Variants in FNBP1 observed in about 807,000 individuals in gnomAD.
FNBP1 encodes formin binding protein 1, also known as formin-binding protein 1.
A neutral mutation model predicts 90.6 loss-of-function variants in FNBP1; 26 were observed. That is an observed-to-expected ratio of 0.29 (90% CI 0.21 to 0.40). FNBP1 has a LOEUF of 0.40. Among genes scored for constraint, FNBP1 ranks in the 10% least tolerant of loss-of-function variants. The probability of loss-of-function intolerance (pLI) is 1.00; values close to 1 mark genes in which losing one functional copy is unlikely to be tolerated. For synonymous variants in FNBP1, 260 were observed against 265.2 expected (o/e 0.98, Z 0.19); for missense variants, 635 against 768.0 (o/e 0.83, Z 2.05).
Position 129,893,637 on chromosome 9 carries a change from A to AAG in FNBP1, c.1846+2200_1846+2201insCT, listed in dbSNP as rs56397008. Among the ~76,000 whole-genome samples the AAG allele has an allele frequency of 5.1e-4, 32 of 62,234 alleles. 1 individual carries two copies. Among genetic ancestry groups the AAG allele is most frequent in the South Asian group, 8.3e-4 (1 of 1,206 alleles). 40.8% of individuals were successfully genotyped at this position (62,234 alleles called of 152,430 possible). On this transcript the variant is annotated intron_variant, in intron 16 of 16. Transcript: ENST00000446176. ...CAAAAAAAAAAAAAAAAAAAAAAAA[A>AAG]GCCAGGCACGGGCTCATGCCTGTAA... is the stretch of plus-strand genomic sequence containing the variant.
At chr9:129,943,384 C>CT (rs11415197) in intron 6 of FNBP1, among the ~76,000 whole-genome samples, 78,781 of 102,546 alleles carry the variant, frequency 0.77, 30,987 homozygotes, top group East Asian at 0.86. Flanking sequence ...TCATTAATTG[C>CT]TTTTTTTTTT....
Position 129,929,577 on chromosome 9 carries a change from T to A in FNBP1, c.632A>T (p.Asn211Ile). ...QHEYYHTHIP[N>I]IFQKIQEMEE... ...ATGTTCAGGACTTACCTGGAAGATG[T>A]TGGGGATGTGAGTATGGTAATATTC... Residue 211 changes from asparagine to isoleucine, a missense_variant, in exon 7 of 17, where the codon AAC becomes ATC. Asn to Ile is a moderately radical substitution (Grantham distance 149). Coordinates refer to ENST00000446176, the MANE Select transcript of FNBP1 (RefSeq NM_015033.3). The A allele has an allele frequency of 3.1e-6, 5 of 1,613,618 alleles. No homozygotes were observed. The highest frequency in any genetic ancestry group is 4.2e-6 in the Non-Finnish European group (5 of 1,179,632).
the FNBP1 span, among the ~76,000 whole-genome samples, chr9:130,052,970 G>T: frequency 6.6e-6 from 1 of 151,900 alleles, no homozygotes; most frequent in Non-Finnish European, 1.5e-5. Context: ...ACAAAAATTA[G>T]CCGGGCGTGG....
chr9:129,982,210 T>C (rs4837438), intron 2 of FNBP1, among the ~76,000 whole-genome samples: 148,783 of 152,300 alleles, frequency 0.98, 72,764 homozygotes, highest in East Asian at 1. Context: ...CGGTGGCTCA[T>C]GCCTGTAATC....
chr9:129,991,426 A>G (rs1484503382), intron 2 of FNBP1, among the ~76,000 whole-genome samples: 4 of 151,600 alleles, frequency 2.6e-5, no homozygotes, highest in Non-Finnish European at 5.9e-5. Context: ...GTGCGCCACC[A>G]TGCCTGGCTA....
At chr9:130,023,816 T>A (rs1038905255) in intron 1 of FNBP1, among the ~76,000 whole-genome samples, 1 of 152,166 alleles carries the variant, frequency 6.6e-6, no homozygotes, top group African/African-American at 2.4e-5. Flanking sequence ...CAATCTTCCA[T>A]CCACGTGAGT....
chr9:130,043,118 GC>G lies in FNBP1; in HGVS notation c.-144del. ...GGCCTCCTCCGGCTCGCAGCTCCTC[GC>G]CCGGGGTCTCCTCGGCGGCTCCTCC... On this transcript the variant is annotated 5_prime_UTR_variant, in exon 1 of 17. Transcript: ENST00000446176. The G allele has an allele frequency of 1.6e-6, 1 of 644,962 alleles. No homozygotes were observed. The allele number at this position is 644,962 out of a possible 1,614,324, so 40.0% of individuals were successfully genotyped here. A position where few individuals can be genotyped will look rare whatever the true frequency, so the allele number is the denominator to read the frequency against.
At chr9:129,943,313 A>G (rs1478511317) in intron 6 of FNBP1, among the ~76,000 whole-genome samples, 1 of 150,290 alleles carries the variant, frequency 6.7e-6, no homozygotes, top group African/African-American at 2.5e-5. Context: ...TATATGATGG[A>G]CCTCATTGAT....
chr9:130,052,682 G>A, the FNBP1 span, among the ~76,000 whole-genome samples: 3 of 151,794 alleles, frequency 2.0e-5, no homozygotes, highest in Non-Finnish European at 4.4e-5. Context: ...TGATCCGCCC[G>A]CCTCGGCGTT....
chr9:129,908,953 C>T lies in FNBP1; in HGVS notation c.1232G>A (p.Arg411Lys), dbSNP rs199744723. Residue 411 changes from arginine (R) to lysine (K), a missense_variant, in exon 12 of 17, where the codon AGG becomes AAG. Arg to Lys is a conservative substitution (Grantham distance 26). Transcript: ENST00000446176. Reference protein sequence around the residue: ...DFSNLPPEQRRKKLQQKVDEL... With the variant: ...DFSNLPPEQRKKKLQQKVDEL... ...ATCGACTTTCTGCTGCAGCTTTTTCCTTCTTTGTTCAGGTGGGAGGTTGCT... is the reference window on the plus strand; with the variant it reads ...ATCGACTTTCTGCTGCAGCTTTTTCTTTCTTTGTTCAGGTGGGAGGTTGCT... 3.7e-6 allele frequency: 6 copies of T among 1,613,632 alleles called. No homozygotes were observed. Among genetic ancestry groups the T allele is most frequent in the Non-Finnish European group, 4.2e-6 (5 of 1,179,812 alleles).
At chr9:129,992,410 A>T (rs1304843402) in intron 2 of FNBP1, among the ~76,000 whole-genome samples, 1 of 152,194 alleles carries the variant, frequency 6.6e-6, no homozygotes, top group Non-Finnish European at 1.5e-5. Context: ...TTCTCCACTT[A>T]TAAAAATTAT....
chr9:130,009,711 A>G (rs1036140530), intron 1 of FNBP1, among the ~76,000 whole-genome samples: 21 of 152,202 alleles, frequency 1.4e-4, no homozygotes, highest in African/African-American at 4.6e-4. Flanking sequence ...CTGAGGCAGG[A>G]TAATTGCTTG....
In FNBP1 at chr9:129,979,522, T is replaced by G. The variant is rs1409137660; in HGVS notation, c.141-148A>C. 3 of 608,096 alleles carry G rather than the reference T, an allele frequency of 4.9e-6. No individual in the cohort carries two copies. The African/African-American group carries it at 5.5e-5, about 11-fold the overall frequency. 37.7% of individuals were successfully genotyped at this position (608,096 alleles called of 1,614,324 possible). On this transcript the variant is annotated intron_variant, in intron 2 of 16. Transcript: ENST00000446176. ...ATCCATTTCCTTCAATCTTTCAACA[T>G]GTGTGATGAAGCTACTGTTATTAAG...
In FNBP1 at chr9:130,003,254, C is replaced by A. The variant is rs543745392; in HGVS notation, c.25-8296G>T. 1.4e-4 allele frequency among the ~76,000 whole-genome samples: 21 copies of A among 152,112 alleles called. No homozygotes were observed. In the South Asian group the frequency reaches 4.4e-3, roughly 32 times the overall value. On this transcript the variant is annotated intron_variant, in intron 1 of 16. Transcript: ENST00000446176. ...CAGGCGGATCATGAGGTCAGGAGTT[C>A]AAGACCAGCCTGGCCAACATAGTGA... is the stretch of plus-strand genomic sequence containing the variant.
At chr9:129,909,570 ATCTCT>A (rs2038842646) in intron 11 of FNBP1, among the ~76,000 whole-genome samples, 1 of 151,522 alleles carries the variant, frequency 6.6e-6, no homozygotes, top group Admixed American at 6.6e-5. Context: ...AAAAAAAAAA[ATCTCT>A]TCTCCTTACC....
chr9:129,909,198 C>T (rs909776682), intron 11 of FNBP1, 199 bp from the exon 12 acceptor site: 1 of 606,676 alleles, frequency 1.6e-6, no homozygotes, highest in Admixed American at 2.8e-5. Context: ...AAACCATTCC[C>T]AGTTCCATGG....
At chr9:129,955,987 T>C (rs751599395) in intron 6 of FNBP1, among the ~76,000 whole-genome samples, 1 of 152,080 alleles carries the variant, frequency 6.6e-6, no homozygotes, top group Non-Finnish European at 1.5e-5. Context: ...AGCAAATTAA[T>C]GTCTTTTGGT....
At chr9:130,050,581 C>T in the FNBP1 span, among the ~76,000 whole-genome samples, 1 of 151,968 alleles carries the variant, frequency 6.6e-6, no homozygotes, top group Non-Finnish European at 1.5e-5. Context: ...ATTGCTAGGC[C>T]CCAATTTGAC....
intron 15 of FNBP1, among the ~76,000 whole-genome samples, chr9:129,897,299 G>T (rs1484906639): frequency 6.6e-6 from 1 of 152,164 alleles, no homozygotes; most frequent in Non-Finnish European, 1.5e-5. Context: ...TTCAAAGGCT[G>T]CCCACCACCC....
Sources: allele counts gnomAD v4.1 joint callset (sites outside exome capture counted in the v4.1 genomes callset), GRCh38; gene constraint gnomAD v4.1.1; transcripts MANE v1.5; gene names NCBI Gene and HGNC (gene_info 2026-07-23, HGNC 2026-07-21).